PLD1: variants seen among roughly 807,000 people sequenced by gnomAD.
The protein encoded by PLD1 is choline phosphatase 1.
In PLD1, 112 loss-of-function variants were observed where a neutral mutation model predicts 137.1. The ratio of observed to expected loss-of-function variants is 0.82; its 90% CI spans 0.70 to 0.96. The LOEUF is 0.96. PLD1 is among the 40% of genes least tolerant of loss of function. The probability of loss-of-function intolerance (pLI) is 0.00; values close to 1 mark genes in which losing one functional copy is unlikely to be tolerated. For synonymous variants in PLD1, 431 were observed against 454.7 expected, an observed-to-expected ratio of 0.95 and a Z score of 0.66; for missense variants, 1,321 against 1,342.0, an observed-to-expected ratio of 0.98 and a Z score of 0.24.
intron 1 of PLD1, among the ~76,000 whole-genome samples, chr3:171,803,649 C>T (rs1012140002): frequency 1.3e-5 from 2 of 152,156 alleles, no homozygotes; most frequent in African/African-American, 4.8e-5. Flanking sequence ...AGGAGAATCG[C>T]TTGGACCTGG....
At chr3:171,782,145 T>C (rs183784792) in intron 1 of PLD1, among the ~76,000 whole-genome samples, 4 of 152,318 alleles carry the variant, frequency 2.6e-5, no homozygotes, top group African/African-American at 9.6e-5. Context: ...AGTACATACA[T>C]TGTATGATTC....
Position 171,602,924 on chromosome 3 carries a change from A to C in PLD1, c.*154T>G, listed in dbSNP as rs529137430. ...TGCTGATGTTTACAGTCCTTACATCAATGTGACTGCAGCCCTCCCCAGTCA... is the reference window on the plus strand; with the variant it reads ...TGCTGATGTTTACAGTCCTTACATCCATGTGACTGCAGCCCTCCCCAGTCA... On this transcript the variant is annotated 3_prime_UTR_variant, in exon 27 of 27. Coordinates refer to ENST00000351298, the MANE Select transcript of PLD1 (RefSeq NM_002662.5). 3.4e-4 allele frequency: 208 copies of C among 616,446 alleles called. No homozygotes were observed. The highest frequency in any genetic ancestry group is 3.2e-3 in the African/African-American group (172 of 54,350). 38.2% of individuals were successfully genotyped at this position (616,446 alleles called of 1,614,324 possible).
At chr3:171,801,722 C>T (rs1315895323) in intron 1 of PLD1, among the ~76,000 whole-genome samples, 2 of 152,200 alleles carry the variant, frequency 1.3e-5, no homozygotes, top group African/African-American at 4.8e-5. Context: ...AGCCACTGTG[C>T]CCAGCCTATG....
chr3:171,785,440 ATT>A (rs11325787), intron 1 of PLD1, among the ~76,000 whole-genome samples: 4,478 of 140,378 alleles, frequency 0.032, 140 homozygotes, highest in African/African-American at 0.089. Context: ...TCCAGTGTCT[ATT>A]TTTTTTTTTT....
chr3:171,612,550 G>A lies in PLD1; in HGVS notation c.2729-118C>T. The A allele has an allele frequency of 1.0e-6, 1 of 973,100 alleles. No homozygotes were observed. 60.3% of individuals were successfully genotyped at this position (973,100 alleles called of 1,614,324 possible). A position where few individuals can be genotyped will look rare whatever the true frequency, so the allele number is the denominator to read the frequency against. ...CCGTAATTTTGTCCAGGTTTTCAAG[G>A]GAAGATGTGTTTTTAGGGAGGTGGG... On this transcript the variant is annotated intron_variant, in intron 24 of 26. Transcript: ENST00000351298. This position sits in a 1 kb window ranked among gnomAD's most constrained non-coding sequence, Gnocchi z 4.1.
chr3:171,728,258 G>C (rs961960845), intron 6 of PLD1, among the ~76,000 whole-genome samples: 1 of 152,230 alleles, frequency 6.6e-6, no homozygotes, highest in African/African-American at 2.4e-5. Context: ...AGAGGTTGCA[G>C]TGAGCGGAGA....
intron 1 of PLD1, chr3:171,809,548 T>C (rs1724027148): frequency 6.6e-6 from 1 of 152,192 alleles, no homozygotes; most frequent in South Asian, 2.1e-4. Context: ...GACTTAGTAA[T>C]GGTCAAACGA....
chr3:171,791,204 C>A (rs1214965414), intron 1 of PLD1, among the ~76,000 whole-genome samples: 1 of 152,154 alleles, frequency 6.6e-6, no homozygotes, highest in Non-Finnish European at 1.5e-5. Context: ...ACATCCAAAT[C>A]CACTTATTCA....
intron 21 of PLD1, among the ~76,000 whole-genome samples, chr3:171,658,938 T>C (rs143735997): frequency 8.9e-4 from 135 of 152,318 alleles, no homozygotes; most frequent in African/African-American, 3.0e-3. Flanking sequence ...GCTCATAGTC[T>C]GCTATTAAAT....
At chr3:171,757,358 A>C (rs1000537524) in intron 1 of PLD1, among the ~76,000 whole-genome samples, 11 of 152,196 alleles carry the variant, frequency 7.2e-5, no homozygotes, top group South Asian at 4.1e-4. Flanking sequence ...ACAATCAGAT[A>C]AAGAAAAGAG....
intron 8 of PLD1, among the ~76,000 whole-genome samples, chr3:171,715,813 A>G (rs1025251151): frequency 2.0e-5 from 3 of 152,026 alleles, no homozygotes; most frequent in African/African-American, 7.2e-5. Flanking sequence ...CAGGTTTGTT[A>G]CATAGGGAAA....
At chr3:171,790,326 C>G (rs561882299) in intron 1 of PLD1, among the ~76,000 whole-genome samples, 3 of 152,160 alleles carry the variant, frequency 2.0e-5, no homozygotes, top group African/African-American at 7.2e-5. Context: ...TGTAATAAAT[C>G]CCTTAATGCA....
chr3:171,780,140 G>A (rs1722742427), intron 1 of PLD1, among the ~76,000 whole-genome samples: 1 of 138,670 alleles, frequency 7.2e-6, no homozygotes, highest in Non-Finnish European at 1.5e-5. Flanking sequence ...GGATATGTAA[G>A]TCTGAGATTC....
intron 1 of PLD1, among the ~76,000 whole-genome samples, chr3:171,746,271 C>T (rs1560272797): frequency 1.3e-5 from 2 of 152,340 alleles, no homozygotes; most frequent in South Asian, 2.1e-4. Context: ...AGGCTCGCAG[C>T]GCGGGACTGG....
At chr3:171,697,894 A>G (rs971985917) in intron 12 of PLD1, among the ~76,000 whole-genome samples, 1 of 152,222 alleles carries the variant, frequency 6.6e-6, no homozygotes, top group Non-Finnish European at 1.5e-5. Flanking sequence ...GCTTTTATTT[A>G]TGTACATCCT....
At chr3:171,633,574 G>T (rs896798013) in intron 23 of PLD1, among the ~76,000 whole-genome samples, 1 of 152,036 alleles carries the variant, frequency 6.6e-6, no homozygotes, top group African/African-American at 2.4e-5. Context: ...ACCATGGCAT[G>T]TGTATACCTA....
In PLD1 at chr3:171,612,214, G is replaced by A. The variant is rs574123721; in HGVS notation, c.2882+65C>T. 8.7e-6 allele frequency: 13 copies of A among 1,497,648 alleles called. No homozygotes were observed. Among genetic ancestry groups the A allele is most frequent in the South Asian group, 4.8e-5 (4 of 83,892 alleles). The allele number at this position is 1,497,648 out of a possible 1,614,324, so 92.8% of individuals were successfully genotyped here. On this transcript the variant is annotated intron_variant, in intron 25 of 26. Coordinates refer to ENST00000351298, the MANE Select transcript of PLD1 (RefSeq NM_002662.5). The surrounding 1 kb of genome is among the most constrained non-coding windows in gnomAD (Gnocchi z 4.1). Reference sequence around the variant, plus strand: ...GATGACCCATGTGCTCAGGGCTAGCGGGGCTGGGTCCCAGCGACTGCTGCA... The same window carrying A: ...GATGACCCATGTGCTCAGGGCTAGCAGGGCTGGGTCCCAGCGACTGCTGCA...
intron 8 of PLD1, chr3:171,721,443 A>T (rs1462185892): frequency 6.6e-6 from 1 of 152,416 alleles, no homozygotes; most frequent in East Asian, 1.9e-4. Context: ...CCAACTGAGG[A>T]GGATGGGGCT....
rs777086269 is a variant in PLD1, at chr3:171,680,470, G to T, written c.1868-2776C>A. On this transcript the variant is annotated intron_variant, in intron 16 of 26. Coordinates refer to ENST00000351298, the MANE Select transcript of PLD1 (RefSeq NM_002662.5). Reference sequence around the variant, plus strand: ...AGGCTCATCTCGAACTCCTGACCTCGTGATCTGCCTGCCTCGGCCTCCCAA... The same window carrying T: ...AGGCTCATCTCGAACTCCTGACCTCTTGATCTGCCTGCCTCGGCCTCCCAA... 2.0e-5 allele frequency among the ~76,000 whole-genome samples: 3 copies of T among 151,888 alleles called. No homozygotes were observed. In the East Asian group the frequency reaches 5.8e-4, roughly 30 times the overall value.
Sources: gnomAD v4.1 joint callset for allele counts (sites outside exome capture counted in the v4.1 genomes callset) on GRCh38, gnomAD v4.1.1 for gene constraint, Gnocchi (gnomAD v3.1) non-coding constraint, MANE v1.5 for transcripts, NCBI Gene and HGNC (gene_info 2026-07-23, HGNC 2026-07-21) for gene names.